The following PDZD2 variants were observed in gnomAD, a reference collection of about 807,000 sequenced individuals.
PDZD2 encodes PDZ domain containing 2, also known as PDZ domain-containing protein 2.
PDZD2 carries 90 observed loss-of-function variants against 220.7 expected under a neutral mutation model. The ratio of observed to expected loss-of-function variants is 0.41; its 90% confidence interval spans 0.34 to 0.49. The LOEUF is 0.49. PDZD2 is among the 20% of genes least tolerant of loss of function. PDZD2 has a pLI of 0.28. For synonymous variants in PDZD2, 1,375 were observed against 1,450.5 expected, an observed-to-expected ratio of 0.95 and a Z score of 1.18; for missense variants, 3,174 against 3,608.5, an observed-to-expected ratio of 0.88 and a Z score of 3.08.
chr5:32,068,614 T>C (rs1740437418), intron 14 of PDZD2, among the ~76,000 whole-genome samples: 1 of 152,218 alleles, frequency 6.6e-6, no homozygotes, highest in African/African-American at 2.4e-5. Flanking sequence ...CAAAGGACAC[T>C]ATTAGAAAAG....
At chr5:32,008,136 AAAATAAATAAATAAAT>A (rs141877198) in intron 5 of PDZD2, among the ~76,000 whole-genome samples, 4 of 143,904 alleles carry the variant, frequency 2.8e-5, no homozygotes, top group African/African-American at 5.1e-5. Context: ...TAAAATAATA[AAAATAAATAAATAAAT>A]AAATAAATAA....
At chr5:31,938,125 T>G (rs906489210) in intron 2 of PDZD2, among the ~76,000 whole-genome samples, 2 of 152,220 alleles carry the variant, frequency 1.3e-5, no homozygotes, top group African/African-American at 2.4e-5. Context: ...TTGGCCAGAT[T>G]GGTGTCAAAC....
chr5:31,826,342 G>A (rs1274502019), intron 2 of PDZD2, among the ~76,000 whole-genome samples: 1 of 152,066 alleles, frequency 6.6e-6, no homozygotes, highest in Non-Finnish European at 1.5e-5. Context: ...TGCAAAGTCT[G>A]AAAACAACCA....
chr5:31,975,390 C>G (rs550507715), intron 2 of PDZD2, among the ~76,000 whole-genome samples: 1 of 152,314 alleles, frequency 6.6e-6, no homozygotes. Flanking sequence ...GAAACACCCA[C>G]TGCTATGATT....
chr5:31,825,602 A>G (rs1045464841), intron 2 of PDZD2, among the ~76,000 whole-genome samples: 1 of 152,330 alleles, frequency 6.6e-6, no homozygotes, highest in South Asian at 2.1e-4. Context: ...ATCAATGTAC[A>G]AGACAATTAA....
chr5:32,066,024 A>AAATCAATC (rs57907961), intron 14 of PDZD2, among the ~76,000 whole-genome samples: 47 of 150,638 alleles, frequency 3.1e-4, no homozygotes, highest in East Asian at 2.0e-3. Context: ...GACTTGGTCT[A>AAATCAATC]AATCAATCAA....
intron 2 of PDZD2, among the ~76,000 whole-genome samples, chr5:31,875,030 G>A (rs918445499): frequency 1.2e-4 from 18 of 152,054 alleles, no homozygotes; most frequent in African/African-American, 4.3e-4. Flanking sequence ...ATTTTTATGT[G>A]TATTTTAGTT....
intron 1 of PDZD2, among the ~76,000 whole-genome samples, chr5:31,796,122 G>A (rs756162988): frequency 6.6e-6 from 1 of 152,274 alleles, no homozygotes; most frequent in Non-Finnish European, 1.5e-5. Context: ...AACTTCCAAA[G>A]TAGTAATTAA....
chr5:32,110,380 C>CAA lies in PDZD2; in HGVS notation c.*2247_*2248dup, dbSNP rs1745271050. On this transcript the variant is annotated 3_prime_UTR_variant, in exon 25 of 25. Coordinates refer to ENST00000438447, the MANE Select transcript of PDZD2 (RefSeq NM_178140.4). ...CTTGCCAGAAGGTTTCCCTCGCCAA[C>CAA]AAACAGTTGAAATTTAAGGGAAGAA... 6.6e-5 allele frequency: 10 copies of CAA among 152,618 alleles called. 1 individual carries two copies. The South Asian group carries it at 1.7e-3, about 25-fold the overall frequency. The allele number at this position is 152,618 out of a possible 1,614,324, so 9.5% of individuals were successfully genotyped here.
intron 2 of PDZD2, among the ~76,000 whole-genome samples, chr5:31,816,906 G>A (rs544669940): frequency 1.2e-4 from 18 of 152,352 alleles, no homozygotes; most frequent in African/African-American, 4.3e-4. Context: ...CATCCAGGCT[G>A]GGCGCCATGG....
intron 6 of PDZD2, among the ~76,000 whole-genome samples, chr5:32,013,900 T>C (rs1322559123): frequency 2.0e-5 from 3 of 152,130 alleles, no homozygotes; most frequent in African/African-American, 7.2e-5. Flanking sequence ...CTCTCTTGAG[T>C]TCTCGTTGCA....
chr5:31,748,651 A>G (rs147809202), intron 1 of PDZD2, among the ~76,000 whole-genome samples: 2,376 of 152,294 alleles, frequency 0.016, 60 homozygotes, highest in South Asian at 0.076. Flanking sequence ...CATTCCTGGC[A>G]AGGGGTGGGT....
At chr5:32,057,232 T>C (rs1384156144) in intron 10 of PDZD2, among the ~76,000 whole-genome samples, 6 of 152,232 alleles carry the variant, frequency 3.9e-5, no homozygotes, top group African/African-American at 1.2e-4. Context: ...TTGGGGAACT[T>C]GTCTTTCTAC....
chr5:32,021,596 C>T (rs1466046138), intron 6 of PDZD2, among the ~76,000 whole-genome samples: 1 of 152,164 alleles, frequency 6.6e-6, no homozygotes, highest in Admixed American at 6.5e-5. Flanking sequence ...CCGCATCTGG[C>T]CTCCTGACAG....
At chr5:31,858,046 G>A (rs1363196747) in intron 2 of PDZD2, among the ~76,000 whole-genome samples, 3 of 152,000 alleles carry the variant, frequency 2.0e-5, no homozygotes, top group African/African-American at 7.3e-5. Context: ...GGCTGGTCTC[G>A]AACTCCTGAA....
rs1198414832 is a variant in PDZD2 at position 32,037,357 on chromosome 5, T to C, written c.1519+15T>C. 1.4e-6 allele frequency: 2 copies of C among 1,395,552 alleles called. No individual in the cohort carries two copies. Among genetic ancestry groups the C allele is most frequent in the Non-Finnish European group, 2.0e-6 (2 of 981,432 alleles). The allele number at this position is 1,395,552 out of a possible 1,614,324, so 86.4% of individuals were successfully genotyped here. Reference sequence around the variant, plus strand: ...TCGCCTTTCAGGTAGGTGGGGGCTCTACCTGATGCAGCCTGTCTAGGATGA... The same window carrying C: ...TCGCCTTTCAGGTAGGTGGGGGCTCCACCTGATGCAGCCTGTCTAGGATGA... On this transcript the variant is annotated intron_variant, in intron 7 of 24. Coordinates refer to ENST00000438447, the MANE Select transcript of PDZD2 (RefSeq NM_178140.4).
At chr5:31,967,592 T>A (rs1391961586) in intron 2 of PDZD2, among the ~76,000 whole-genome samples, 1 of 152,130 alleles carries the variant, frequency 6.6e-6, no homozygotes, top group African/African-American at 2.4e-5. Flanking sequence ...TCAGACATAA[T>A]CTCTGAGATA....
At position 32,000,514 on chromosome 5, in the gene PDZD2, T is replaced by G. The variant is rs2111997502; in HGVS notation, c.1254+243T>G. Among the ~76,000 whole-genome samples, 1 of 141,070 alleles carries G rather than the reference T, an allele frequency of 7.1e-6. No homozygotes were observed. Among genetic ancestry groups the G allele is most frequent in the South Asian group, 2.3e-4 (1 of 4,340 alleles). The allele number at this position is 141,070 out of a possible 152,430, so 92.5% of individuals were successfully genotyped here. On this transcript the variant is annotated intron_variant, in intron 5 of 24. Coordinates refer to ENST00000438447, the MANE Select transcript of PDZD2 (RefSeq NM_178140.4). This position sits in a 1 kb window ranked among gnomAD's most constrained non-coding sequence, Gnocchi z 4.5. ...GTTTTTGTTTTTGTTTTTGTTTTTG[T>G]TTTTGTTTTTTTTGAGACGGAGTTT... is the stretch of plus-strand genomic sequence containing the variant.
At chr5:31,834,778 A>C (rs1207184752) in intron 2 of PDZD2, among the ~76,000 whole-genome samples, 1 of 152,050 alleles carries the variant, frequency 6.6e-6, no homozygotes, top group Non-Finnish European at 1.5e-5. Flanking sequence ...AGATATACCT[A>C]ATGCAAATGA....
Sources: allele counts gnomAD v4.1 joint callset (sites outside exome capture counted in the v4.1 genomes callset), GRCh38; gene constraint gnomAD v4.1.1; non-coding constraint Gnocchi (gnomAD v3.1); transcripts MANE v1.5; gene names NCBI Gene and HGNC (gene_info 2026-07-23, HGNC 2026-07-21).